Variants in DIAPH2 observed in about 807,000 individuals in gnomAD.
The protein encoded by DIAPH2 is protein diaphanous homolog 2.
A neutral mutation model predicts 92.7 loss-of-function variants in DIAPH2; 35 were observed. The ratio of observed to expected loss-of-function variants is 0.38; its 90% confidence interval spans 0.29 to 0.50. DIAPH2 has a LOEUF of 0.50. DIAPH2 is among the 20% of genes least tolerant of loss of function. The probability of loss-of-function intolerance (pLI) is 0.94; values close to 1 mark genes in which losing one functional copy is unlikely to be tolerated. For synonymous variants in DIAPH2, 301 were observed against 280.4 expected (o/e 1.07, Z -0.73); for missense variants, 701 against 819.5 (o/e 0.86, Z 1.77).
chrX:96,781,849 G>A (rs2064420085), intron 4 of DIAPH2, among the ~76,000 whole-genome samples: 1 of 110,665 alleles, frequency 9.0e-6, no homozygotes, highest in African/African-American at 3.3e-5. Context: ...AAGCAAAATA[G>A]TACACCAGAT....
At chrX:97,009,688 G>T (rs7883909) in intron 17 of DIAPH2, among the ~76,000 whole-genome samples, 149 of 112,333 alleles carry the variant, frequency 1.3e-3, no homozygotes, top group African/African-American at 4.7e-3. Flanking sequence ...TCAAAGCAAT[G>T]TGTTCCCTTC....
chrX:97,367,761 G>A (rs1187260748), intron 24 of DIAPH2, among the ~76,000 whole-genome samples: 4 of 104,150 alleles, frequency 3.8e-5, no homozygotes, highest in African/African-American at 1.4e-4. Context: ...GGAGTGCAAT[G>A]GCACAATCTC....
At chrX:97,344,958 GCCTAGCGAGTC>G (rs1201322190) in intron 23 of DIAPH2, among the ~76,000 whole-genome samples, 1 of 112,092 alleles carries the variant, frequency 8.9e-6, no homozygotes. Context: ...AAGTGCTTCT[GCCTAGCGAGTC>G]CCTGGAATGA....
At chrX:97,400,256 A>G (rs1213419940) in intron 25 of DIAPH2, among the ~76,000 whole-genome samples, 2 of 112,530 alleles carry the variant, frequency 1.8e-5, no homozygotes, top group Non-Finnish European at 3.8e-5. Flanking sequence ...TCCACATATT[A>G]TTAGATAGAT....
intron 4 of DIAPH2, among the ~76,000 whole-genome samples, chrX:96,861,379 G>C (rs1452781957): frequency 1.8e-5 from 2 of 111,751 alleles, no homozygotes; most frequent in African/African-American, 6.5e-5. Flanking sequence ...CTAGAAACTT[G>C]TGTTTCATAC....
intron 23 of DIAPH2, among the ~76,000 whole-genome samples, chrX:97,308,246 A>G (rs956533436): frequency 1.8e-5 from 2 of 111,997 alleles, no homozygotes; most frequent in African/African-American, 6.5e-5. Flanking sequence ...TGATCTAGGC[A>G]TAAACCACAT....
chrX:96,785,664 A>G (rs1269261924), intron 4 of DIAPH2, among the ~76,000 whole-genome samples: 2 of 106,349 alleles, frequency 1.9e-5, no homozygotes, highest in Non-Finnish European at 1.9e-5. Context: ...TTTAGTAGAG[A>G]TGGGGTTTCA....
At chrX:97,085,779 G>A (rs1295363238) in intron 19 of DIAPH2, among the ~76,000 whole-genome samples, 1 of 111,875 alleles carries the variant, frequency 8.9e-6, no homozygotes, top group Admixed American at 9.5e-5. Context: ...TAACTAGTTA[G>A]GATTTAATAT....
intron 23 of DIAPH2, among the ~76,000 whole-genome samples, chrX:97,254,675 T>C (rs1466647049): frequency 9.1e-6 from 1 of 110,007 alleles, no homozygotes; most frequent in Non-Finnish European, 1.9e-5. Context: ...AAGTAGGTAC[T>C]ATTACTAACT....
intron 23 of DIAPH2, among the ~76,000 whole-genome samples, chrX:97,263,862 C>T (rs993108566): frequency 1.1e-4 from 12 of 109,638 alleles, no homozygotes; most frequent in Non-Finnish European, 1.7e-4. Flanking sequence ...GCTAGGATTA[C>T]CGGCGTGAGC....
At chrX:97,267,599 C>T (rs2068348453) in intron 23 of DIAPH2, among the ~76,000 whole-genome samples, 2 of 111,587 alleles carry the variant, frequency 1.8e-5, no homozygotes, top group African/African-American at 3.3e-5. Context: ...TTCAACTTCT[C>T]AGACAAGAAA....
intron 24 of DIAPH2, among the ~76,000 whole-genome samples, chrX:97,352,870 C>CAAAAAA (rs1176922373): frequency 4.1e-4 from 11 of 27,040 alleles, no homozygotes; most frequent in African/African-American, 6.5e-4. Flanking sequence ...AATCTGTCTC[C>CAAAAAA]AAAAAAAAAA....
At chrX:97,336,498 C>A (rs1216290804) in intron 23 of DIAPH2, among the ~76,000 whole-genome samples, 1 of 109,923 alleles carries the variant, frequency 9.1e-6, no homozygotes, top group Non-Finnish European at 1.9e-5. Context: ...ATCCGCCCGC[C>A]TCGGCCTCCC....
At chrX:97,462,311 T>C (rs1430076732) in intron 26 of DIAPH2, among the ~76,000 whole-genome samples, 1 of 112,452 alleles carries the variant, frequency 8.9e-6, no homozygotes, top group African/African-American at 3.2e-5. Flanking sequence ...AGCTGAGCTG[T>C]GTAGTTCATA....
intron 23 of DIAPH2, among the ~76,000 whole-genome samples, chrX:97,290,104 TATC>T (rs1287564485): frequency 1.9e-5 from 2 of 106,827 alleles, no homozygotes; most frequent in Non-Finnish European, 3.8e-5. Flanking sequence ...TATAATTAGA[TATC>T]ATCACATTCA....
intron 4 of DIAPH2, among the ~76,000 whole-genome samples, chrX:96,837,459 G>A (rs952917809): frequency 5.9e-4 from 61 of 103,722 alleles, no homozygotes; most frequent in African/African-American, 2.0e-3. Flanking sequence ...GTGTGTGTGT[G>A]TGTGTGTAGT....
At position 96,776,415 on chromosome X, in the gene DIAPH2, C is replaced by T. The variant is rs762127016; in HGVS notation, c.447+18157C>T. Reference sequence around the variant, plus strand: ...TAGTAGAGACGGGGTTTCACCATATCGGCCAGGCTGGTCTCGAACTCCTGA... The same window carrying T: ...TAGTAGAGACGGGGTTTCACCATATTGGCCAGGCTGGTCTCGAACTCCTGA... On this transcript the variant is annotated intron_variant, in intron 4 of 26. Coordinates refer to ENST00000324765, the MANE Select transcript of DIAPH2 (RefSeq NM_006729.5). 4.6e-5 allele frequency among the ~76,000 whole-genome samples: 5 copies of T among 109,484 alleles called. No homozygotes were observed. The South Asian group carries it at 1.2e-3, about 26-fold the overall frequency.
chrX:96,859,480 A>G (rs2147722207), intron 4 of DIAPH2, among the ~76,000 whole-genome samples: 1 of 110,534 alleles, frequency 9.0e-6, no homozygotes, highest in African/African-American at 3.3e-5. Flanking sequence ...ACCATGGGCA[A>G]TATTTTGGTG....
chrX:96,778,792 G>C (rs554695523), intron 4 of DIAPH2, among the ~76,000 whole-genome samples: 11 of 111,616 alleles, frequency 9.9e-5, no homozygotes, highest in African/African-American at 2.9e-4. Flanking sequence ...CAGTGGATTG[G>C]TTTCATTGTT....
Sources: gnomAD v4.1 joint callset for allele counts (sites outside exome capture counted in the v4.1 genomes callset) on GRCh38, gnomAD v4.1.1 for gene constraint, MANE v1.5 for transcripts, NCBI Gene and HGNC (gene_info 2026-07-23, HGNC 2026-07-21) for gene names.